SLC24A2: variants seen among roughly 807,000 people sequenced by gnomAD.
The protein encoded by SLC24A2 is sodium/potassium/calcium exchanger 2.
In SLC24A2, 36 loss-of-function variants were observed where a neutral mutation model predicts 62.0. The observed-to-expected ratio is 0.58, with a 90% confidence interval of 0.44 to 0.77. The LOEUF is 0.77. Ranked by LOEUF, SLC24A2 falls within the 30% of genes least tolerant of loss-of-function variation. The pLI is 0.00. For synonymous variants in SLC24A2, 358 were observed against 294.0 expected (o/e 1.22, Z -2.23); for missense variants, 846 against 817.9 (o/e 1.03, Z -0.42).
chr9:20,196,513 T>C, the SLC24A2 span, among the ~76,000 whole-genome samples: 1 of 152,256 alleles, frequency 6.6e-6, no homozygotes. Flanking sequence ...AATCGGGATT[T>C]AGGACTTATC....
chr9:20,038,007 G>T, the SLC24A2 span, among the ~76,000 whole-genome samples: 1 of 152,212 alleles, frequency 6.6e-6, no homozygotes, highest in Non-Finnish European at 1.5e-5. Context: ...AATTGGGAGG[G>T]TTTGGAGAAA....
At chr9:20,241,369 G>C in the SLC24A2 span, among the ~76,000 whole-genome samples, 133 of 152,268 alleles carry the variant, frequency 8.7e-4, no homozygotes, top group African/African-American at 3.1e-3. Flanking sequence ...GTCCACTAGG[G>C]AAGCATGTAG....
the SLC24A2 span, among the ~76,000 whole-genome samples, chr9:20,102,722 AT>A: frequency 6.6e-6 from 1 of 151,426 alleles, no homozygotes; most frequent in South Asian, 2.1e-4. Flanking sequence ...GGCAGCCAAG[AT>A]GGCCGAATAG....
the SLC24A2 span, among the ~76,000 whole-genome samples, chr9:19,798,484 G>A: frequency 2.3e-4 from 35 of 152,066 alleles, no homozygotes; most frequent in African/African-American, 6.5e-4. Context: ...TGGTTAGCTG[G>A]ATTTAATTAC....
At chr9:19,586,052 C>T (rs185723574) in intron 5 of SLC24A2, among the ~76,000 whole-genome samples, 1 of 152,358 alleles carries the variant, frequency 6.6e-6, no homozygotes. Flanking sequence ...GAATTCTCCA[C>T]ACTTCTTATC....
chr9:20,041,519 G>A, the SLC24A2 span, among the ~76,000 whole-genome samples: 1 of 152,204 alleles, frequency 6.6e-6, no homozygotes, highest in Non-Finnish European at 1.5e-5. Flanking sequence ...CATCCACCCA[G>A]GACAGGGGTT....
At chr9:20,027,882 G>A in the SLC24A2 span, among the ~76,000 whole-genome samples, 1 of 152,144 alleles carries the variant, frequency 6.6e-6, no homozygotes, top group African/African-American at 2.4e-5. Context: ...AAAACATAAT[G>A]CTTTACATGA....
At chr9:19,698,803 C>A (rs1189246449) in intron 2 of SLC24A2, among the ~76,000 whole-genome samples, 1 of 152,172 alleles carries the variant, frequency 6.6e-6, no homozygotes, top group African/African-American at 2.4e-5. Flanking sequence ...GTGACATGGA[C>A]CCACCCATAG....
At chr9:19,627,457 T>C (rs1564005199) in intron 2 of SLC24A2, among the ~76,000 whole-genome samples, 2 of 152,156 alleles carry the variant, frequency 1.3e-5, no homozygotes, top group African/African-American at 2.4e-5. Flanking sequence ...CCAGGGTGAC[T>C]TCATTAAGCA....
the SLC24A2 span, among the ~76,000 whole-genome samples, chr9:20,076,089 C>T: frequency 2.6e-5 from 4 of 152,052 alleles, no homozygotes; most frequent in African/African-American, 9.7e-5. Context: ...CAGATGCAAT[C>T]ATTCTTTTTT....
At chr9:19,903,161 C>T in the SLC24A2 span, among the ~76,000 whole-genome samples, 1 of 151,966 alleles carries the variant, frequency 6.6e-6, no homozygotes, top group East Asian at 1.9e-4. Flanking sequence ...TAACAAAATA[C>T]CACAGACTGG....
chr9:20,037,569 G>C, the SLC24A2 span, among the ~76,000 whole-genome samples: 4 of 152,214 alleles, frequency 2.6e-5, no homozygotes, highest in African/African-American at 9.7e-5. Flanking sequence ...TGAATTGACA[G>C]TAACATTCTG....
At chr9:19,711,524 T>C (rs918383957) in intron 2 of SLC24A2, among the ~76,000 whole-genome samples, 3 of 152,216 alleles carry the variant, frequency 2.0e-5, no homozygotes, top group African/African-American at 7.2e-5. Context: ...ACTCTACTGA[T>C]TGAGGAGCCT....
the SLC24A2 span, among the ~76,000 whole-genome samples, chr9:20,097,569 G>A: frequency 6.6e-6 from 1 of 152,038 alleles, no homozygotes; most frequent in African/African-American, 2.4e-5. Flanking sequence ...CCTATGACAT[G>A]AGTTCTCCTA....
At chr9:20,104,528 G>C in the SLC24A2 span, among the ~76,000 whole-genome samples, 1 of 152,234 alleles carries the variant, frequency 6.6e-6, no homozygotes, top group Non-Finnish European at 1.5e-5. Context: ...AGCCAGAAGA[G>C]AGTGGGGGCC....
intron 4 of SLC24A2, among the ~76,000 whole-genome samples, chr9:19,607,394 A>T (rs1194016238): frequency 1.3e-5 from 2 of 152,138 alleles, no homozygotes; most frequent in East Asian, 1.9e-4. Context: ...CTTCTTCATG[A>T]TATCTTTGAG....
intron 2 of SLC24A2, among the ~76,000 whole-genome samples, chr9:19,641,582 T>C (rs529937427): frequency 1.3e-5 from 2 of 151,848 alleles, no homozygotes; most frequent in African/African-American, 4.8e-5. Flanking sequence ...TGGTGTGATC[T>C]TGGCTCACTG....
At chr9:20,116,113 T>A in the SLC24A2 span, among the ~76,000 whole-genome samples, 2 of 152,152 alleles carry the variant, frequency 1.3e-5, no homozygotes, top group Non-Finnish European at 2.9e-5. Context: ...GACCAAAAAG[T>A]AAGATATGTG....
the SLC24A2 span, among the ~76,000 whole-genome samples, chr9:20,019,251 A>AAGAGAAAG: frequency 1.3e-5 from 1 of 75,938 alleles, no homozygotes; most frequent in Admixed American, 1.3e-4. Flanking sequence ...GAAAGAAGGA[A>AAGAGAAAG]AGAGAAAGAA....
Sources: allele counts gnomAD v4.1 joint callset (sites outside exome capture counted in the v4.1 genomes callset), GRCh38; gene constraint gnomAD v4.1.1; transcripts MANE v1.5; gene names NCBI Gene and HGNC (gene_info 2026-07-23, HGNC 2026-07-21).